Variants in PARD3B observed in about 807,000 individuals in gnomAD.
PARD3B encodes par-3 family cell polarity regulator beta.
In PARD3B, 103 loss-of-function variants were observed where a neutral mutation model predicts 130.2. That is an observed-to-expected ratio of 0.79 (90% confidence interval 0.67 to 0.93). The LOEUF (loss-of-function observed/expected upper bound fraction) is 0.93. Ranked by LOEUF, PARD3B falls within the 40% of genes least tolerant of loss-of-function variation. The pLI, the probability that PARD3B is intolerant of heterozygous loss-of-function variation, is 0.00. For missense variants in PARD3B, 1,609 were observed against 1,499.2 expected, an observed-to-expected ratio of 1.07 and a Z score of -1.21; for synonymous variants, 583 against 553.2, an observed-to-expected ratio of 1.05 and a Z score of -0.76.
At chr2:204,656,261 T>C (rs900797570) in intron 1 of PARD3B, among the ~76,000 whole-genome samples, 1 of 152,166 alleles carries the variant, frequency 6.6e-6, no homozygotes, top group African/African-American at 2.4e-5. Flanking sequence ...TTTTTTATAA[T>C]CGATCTACGA....
chr2:205,273,648 A>G (rs2040828272), intron 16 of PARD3B, among the ~76,000 whole-genome samples: 1 of 152,160 alleles, frequency 6.6e-6, no homozygotes, highest in African/African-American at 2.4e-5. Context: ...TCAGGTCTTC[A>G]CTTTCTTCTT....
At chr2:205,126,752 C>CAAAAAAAAAAAAAA (rs4045004) in intron 10 of PARD3B, among the ~76,000 whole-genome samples, 19 of 74,454 alleles carry the variant, frequency 2.6e-4, no homozygotes, top group Non-Finnish European at 3.1e-4. Flanking sequence ...GACTCCGTCT[C>CAAAAAAAAAAAAAA]AAAAAAAAAA....
intron 4 of PARD3B, among the ~76,000 whole-genome samples, chr2:205,094,741 G>A (rs1384902625): frequency 6.6e-6 from 1 of 152,130 alleles, no homozygotes; most frequent in Non-Finnish European, 1.5e-5. Context: ...TGCTTTAATA[G>A]TGTGACCTTT....
chr2:205,561,302 A>G (rs1451389640), intron 22 of PARD3B, among the ~76,000 whole-genome samples: 5 of 152,226 alleles, frequency 3.3e-5, no homozygotes, highest in Admixed American at 6.5e-5. Flanking sequence ...CAAGTTCTGC[A>G]GATTTCCAGC....
intron 15 of PARD3B, among the ~76,000 whole-genome samples, chr2:205,220,028 G>A (rs999647057): frequency 3.3e-5 from 5 of 152,110 alleles, no homozygotes; most frequent in Admixed American, 2.0e-4. Flanking sequence ...CTGTTGAGCC[G>A]CAATTCAGAA....
chr2:204,970,988 A>G (rs1244857413), intron 3 of PARD3B, among the ~76,000 whole-genome samples: 1 of 152,194 alleles, frequency 6.6e-6, no homozygotes, highest in African/African-American at 2.4e-5. Flanking sequence ...GGAAATTATG[A>G]TTATGTGTTT....
chr2:204,713,292 C>T (rs41482445), intron 2 of PARD3B, among the ~76,000 whole-genome samples: 6,872 of 151,764 alleles, frequency 0.045, 261 homozygotes, highest in African/African-American at 0.1. Flanking sequence ...TTTTCCAAAT[C>T]CAGTGTGCCA....
chr2:205,232,564 A>T (rs2038895508), intron 15 of PARD3B, among the ~76,000 whole-genome samples: 1 of 152,250 alleles, frequency 6.6e-6, no homozygotes, highest in Non-Finnish European at 1.5e-5. Context: ...GACATATAAT[A>T]AGGAAAAAAA....
At chr2:204,626,344 C>G (rs2034486913) in intron 1 of PARD3B, among the ~76,000 whole-genome samples, 1 of 152,068 alleles carries the variant, frequency 6.6e-6, no homozygotes, top group African/African-American at 2.4e-5. Flanking sequence ...AATTCCTTGC[C>G]TTTTTCCTTA....
intron 10 of PARD3B, among the ~76,000 whole-genome samples, chr2:205,157,187 TA>T (rs35036484): frequency 1.3e-5 from 2 of 152,170 alleles, no homozygotes; most frequent in African/African-American, 4.8e-5. Context: ...CCTGGAAACA[TA>T]AATGGTTTTG....
chr2:204,841,827 T>C (rs1421337102), intron 2 of PARD3B, among the ~76,000 whole-genome samples: 2 of 152,096 alleles, frequency 1.3e-5, no homozygotes, highest in Non-Finnish European at 2.9e-5. Flanking sequence ...ACAGTAATAA[T>C]TAGCTAATTT....
intron 2 of PARD3B, among the ~76,000 whole-genome samples, chr2:204,878,936 A>AT (rs527640580): frequency 1.5e-4 from 22 of 150,616 alleles, no homozygotes; most frequent in Admixed American, 4.7e-4. Flanking sequence ...AAGATTGACA[A>AT]TTTTTTTTTT....
At chr2:204,858,508 A>AG (rs1234367671) in intron 2 of PARD3B, among the ~76,000 whole-genome samples, 3 of 151,518 alleles carry the variant, frequency 2.0e-5, no homozygotes, top group Non-Finnish European at 4.4e-5. Flanking sequence ...CTAAAAAAAA[A>AG]AAAAAAAGGA....
intron 2 of PARD3B, among the ~76,000 whole-genome samples, chr2:204,760,420 G>T (rs1574913681): frequency 6.6e-6 from 1 of 152,116 alleles, no homozygotes; most frequent in East Asian, 1.9e-4. Flanking sequence ...CATAAAGTCA[G>T]AAGAAATTAT....
At chr2:204,567,113 A>G (rs908706412) in intron 1 of PARD3B, among the ~76,000 whole-genome samples, 1 of 152,124 alleles carries the variant, frequency 6.6e-6, no homozygotes, top group African/African-American at 2.4e-5. Flanking sequence ...TCCCAGCCTC[A>G]GGTGATCTGC....
chr2:204,879,332 T>C (rs529616840), intron 2 of PARD3B, among the ~76,000 whole-genome samples: 3 of 152,284 alleles, frequency 2.0e-5, no homozygotes, highest in African/African-American at 7.2e-5. Flanking sequence ...TCTCAGGACA[T>C]GCTCAAGGCT....
intron 18 of PARD3B, among the ~76,000 whole-genome samples, chr2:205,399,567 C>A (rs1574922469): frequency 1.3e-5 from 2 of 152,098 alleles, no homozygotes; most frequent in Admixed American, 1.3e-4. Context: ...GTTGGCCAGG[C>A]TGGTCTTGAA....
intron 13 of PARD3B, among the ~76,000 whole-genome samples, chr2:205,184,673 C>T (rs1276431425): frequency 1.3e-5 from 2 of 152,052 alleles, no homozygotes; most frequent in African/African-American, 2.4e-5. Context: ...ACCCAGGAGG[C>T]AGAGCTTGCA....
At chr2:204,587,168 T>C (rs2032862061) in intron 1 of PARD3B, among the ~76,000 whole-genome samples, 1 of 152,178 alleles carries the variant, frequency 6.6e-6, no homozygotes, top group South Asian at 2.1e-4. Flanking sequence ...ATAGAGGATA[T>C]GCCAGTGAGA....
Sources: gnomAD v4.1 joint callset for allele counts (sites outside exome capture counted in the v4.1 genomes callset) on GRCh38, gnomAD v4.1.1 for gene constraint, MANE v1.5 for transcripts, NCBI Gene and HGNC (gene_info 2026-07-23, HGNC 2026-07-21) for gene names.